Variants in TMEM164 observed in about 807,000 individuals in gnomAD.
The protein encoded by TMEM164 is transmembrane protein 164, also known as RP13-360B22.2.
TMEM164 carries 4 observed loss-of-function variants against 18.8 expected under a neutral mutation model. The observed-to-expected ratio is 0.21, with a 90% confidence interval of 0.10 to 0.49. The LOEUF (loss-of-function observed/expected upper bound fraction) is 0.49. TMEM164 is among the 20% of genes least tolerant of loss of function. The pLI is 0.98. For missense variants in TMEM164, 108 were observed against 239.9 expected (o/e 0.45, Z 3.63); for synonymous variants, 86 against 101.7 (o/e 0.85, Z 0.93).
chrX:110,171,789 A>C (rs1275210634), intron 6 of TMEM164, among the ~76,000 whole-genome samples: 4 of 112,002 alleles, frequency 3.6e-5, no homozygotes, highest in African/African-American at 1.3e-4. Flanking sequence ...GTCGGAAACA[A>C]TGAGCTGCAA....
chrX:110,019,076 C>CAAA (rs1933650225), intron 2 of TMEM164, among the ~76,000 whole-genome samples: 1 of 111,335 alleles, frequency 9.0e-6, no homozygotes, highest in Non-Finnish European at 1.9e-5. Flanking sequence ...GGCCATCAAG[C>CAAA]AATGTAGATC....
At chrX:110,071,300 G>A (rs1038150546) in intron 3 of TMEM164, among the ~76,000 whole-genome samples, 5 of 109,638 alleles carry the variant, frequency 4.6e-5, no homozygotes, top group Non-Finnish European at 9.5e-5. Context: ...ACTGTGCCCA[G>A]CCAAGATTTT....
intron 2 of TMEM164, among the ~76,000 whole-genome samples, chrX:110,023,357 A>T (rs1408237315): frequency 9.1e-6 from 1 of 109,942 alleles, no homozygotes; most frequent in Non-Finnish European, 1.9e-5. Context: ...AACTCACCTT[A>T]AAGACAAGAG....
At chrX:110,109,169 G>A (rs2066256176) in intron 4 of TMEM164, 23 bp downstream of exon 4, 1 of 1,179,131 alleles carries the variant, frequency 8.5e-7, no homozygotes, top group African/African-American at 1.7e-5. Flanking sequence ...TTCTAGGAAT[G>A]TAACAGCAAC....
At chrX:110,023,800 A>T (rs1934045916) in intron 2 of TMEM164, among the ~76,000 whole-genome samples, 1 of 111,643 alleles carries the variant, frequency 9.0e-6, no homozygotes, top group African/African-American at 3.3e-5. Context: ...ATGGAGCCTA[A>T]CATGAAAATA....
chrX:110,145,974 C>G (rs1300914169), intron 5 of TMEM164, among the ~76,000 whole-genome samples: 1 of 111,968 alleles, frequency 8.9e-6, no homozygotes, highest in Non-Finnish European at 1.9e-5. Flanking sequence ...TGCTTTTACC[C>G]TGTGCGGCCA....
intron 4 of TMEM164, among the ~76,000 whole-genome samples, chrX:110,122,788 A>G (rs1370839474): frequency 2.7e-5 from 3 of 111,734 alleles, no homozygotes; most frequent in Non-Finnish European, 5.6e-5. Flanking sequence ...TTCATTGTTC[A>G]GTTATAATTG....
rs1318446274 is a variant in TMEM164 at position 110,174,262 on chromosome X, G to A, written c.*811G>A. ...ATCAGAAGTGAGCACAGAAAACTGTGATTTGAATCATACACTCTGTTTTAG... is the reference window on the plus strand; with the variant it reads ...ATCAGAAGTGAGCACAGAAAACTGTAATTTGAATCATACACTCTGTTTTAG... On this transcript the variant is annotated 3_prime_UTR_variant, in exon 7 of 7. Coordinates refer to ENST00000372068, the MANE Select transcript of TMEM164 (RefSeq NM_032227.4). 8.9e-6 allele frequency: 1 copy of A among 111,805 alleles called. No homozygotes were observed. The highest frequency in any genetic ancestry group is 2.8e-4 in the East Asian group (1 of 3,556). The allele number at this position is 111,805 out of a possible 1,213,427, so 9.2% of individuals were successfully genotyped here. A position where few individuals can be genotyped will look rare whatever the true frequency, so the allele number is the denominator to read the frequency against.
intron 5 of TMEM164, among the ~76,000 whole-genome samples, chrX:110,146,610 C>G (rs1475718198): frequency 9.0e-6 from 1 of 111,723 alleles, no homozygotes; most frequent in Non-Finnish European, 1.9e-5. Flanking sequence ...ACCAAACTGA[C>G]TTTTTACTCC....
chrX:110,009,693 T>C (rs1429317094), intron 2 of TMEM164, among the ~76,000 whole-genome samples: 1 of 111,626 alleles, frequency 9.0e-6, no homozygotes, highest in Non-Finnish European at 1.9e-5. Flanking sequence ...GGCCCTATGT[T>C]CCTATTAAGA....
chrX:110,119,745 C>T (rs2045945993), intron 4 of TMEM164, among the ~76,000 whole-genome samples: 1 of 111,401 alleles, frequency 9.0e-6, no homozygotes, highest in African/African-American at 3.3e-5. Context: ...AGCCCAGGGC[C>T]TGGCGCATAG....
At chrX:110,113,943 C>A (rs951696628) in intron 4 of TMEM164, among the ~76,000 whole-genome samples, 1 of 111,383 alleles carries the variant, frequency 9.0e-6, no homozygotes. Flanking sequence ...AGTGATATGC[C>A]CTTTTGTTTC....
intron 3 of TMEM164, among the ~76,000 whole-genome samples, chrX:110,067,950 A>T (rs1353806444): frequency 8.9e-6 from 1 of 112,882 alleles, no homozygotes; most frequent in Non-Finnish European, 1.9e-5. Flanking sequence ...GTTTATTTAA[A>T]TGAAATTATC....
intron 2 of TMEM164, among the ~76,000 whole-genome samples, chrX:110,060,751 T>C (rs1195171841): frequency 8.9e-6 from 1 of 111,829 alleles, no homozygotes; most frequent in Non-Finnish European, 1.9e-5. Context: ...CAACCTTGAC[T>C]ATTTTGAAGA....
At chrX:110,163,653 C>T (rs957057074) in intron 5 of TMEM164, among the ~76,000 whole-genome samples, 11 of 112,139 alleles carry the variant, frequency 9.8e-5, no homozygotes, top group African/African-American at 1.9e-4. Flanking sequence ...GGTTTTAGAA[C>T]GGGAGCTATT....
intron 4 of TMEM164, among the ~76,000 whole-genome samples, chrX:110,118,179 C>T (rs937092696): frequency 8.9e-6 from 1 of 112,701 alleles, no homozygotes; most frequent in Non-Finnish European, 1.9e-5. Flanking sequence ...TCCCAAAGTG[C>T]TGTGATTACA....
At position 110,171,318 on chromosome X, in the gene TMEM164, G is replaced by C. The variant is rs754230681; in HGVS notation, c.587-102G>C. 2.1e-5 allele frequency: 12 copies of C among 569,014 alleles called. No homozygotes were observed. In the South Asian group the frequency reaches 3.1e-4, roughly 15 times the overall value. The allele number at this position is 569,014 out of a possible 1,213,427, so 46.9% of individuals were successfully genotyped here. ...TTGCCAGTGATCAGTAAAAGGAACA[G>C]TCATCAGGCAGCAGCTGTGACCTCA... On this transcript the variant is annotated intron_variant, in intron 5 of 6. Coordinates refer to ENST00000372068, the MANE Select transcript of TMEM164 (RefSeq NM_032227.4).
intron 2 of TMEM164, among the ~76,000 whole-genome samples, chrX:110,006,299 A>G (rs896224167): frequency 1.8e-5 from 2 of 111,305 alleles, no homozygotes; most frequent in African/African-American, 6.6e-5. Context: ...CTTCCCAGTA[A>G]AGTAAACTCA....
chrX:110,011,308 C>G (rs970017092), intron 2 of TMEM164, among the ~76,000 whole-genome samples: 33 of 111,642 alleles, frequency 3.0e-4, no homozygotes, highest in African/African-American at 1.1e-3. Context: ...TTGAACAAAG[C>G]ATAGGGGACA....
Sources: gnomAD v4.1 joint callset for allele counts (sites outside exome capture counted in the v4.1 genomes callset) on GRCh38, gnomAD v4.1.1 for gene constraint, MANE v1.5 for transcripts, NCBI Gene and HGNC (gene_info 2026-07-23, HGNC 2026-07-21) for gene names.